KCNT1: variants seen among roughly 807,000 people sequenced by gnomAD.
KCNT1 encodes the protein potassium channel subfamily T member 1.
In KCNT1, 78 loss-of-function variants were observed where a neutral mutation model predicts 147.8. The observed-to-expected ratio is 0.53, with a 90% CI of 0.44 to 0.64. KCNT1 has a LOEUF of 0.64. KCNT1 is among the 30% of genes least tolerant of loss of function. KCNT1 has a pLI of 0.00. For missense variants in KCNT1, 1,419 were observed against 1,750.3 expected (o/e 0.81, Z 3.38); for synonymous variants, 867 against 748.8 (o/e 1.16, Z -2.58).
rs1035486813 is a variant in KCNT1 at position 135,777,602 on chromosome 9, G to T, written c.2522+92G>T. On this transcript the variant is annotated intron_variant, in intron 21 of 30. Transcript: ENST00000371757. Reference sequence around the variant, plus strand: ...CCAACTGGGCCCACCCTTCGCCTTTGCAGAGGGCACGGGAACATGGGGCCT... The same window carrying T: ...CCAACTGGGCCCACCCTTCGCCTTTTCAGAGGGCACGGGAACATGGGGCCT... 4.6e-5 allele frequency: 57 copies of T among 1,247,612 alleles called. No homozygotes were observed. The African/African-American group carries it at 8.3e-4, about 18-fold the overall frequency. The allele number at this position is 1,247,612 out of a possible 1,614,324, so 77.3% of individuals were successfully genotyped here. A position where few individuals can be genotyped will look rare whatever the true frequency, so the allele number is the denominator to read the frequency against.
intron 2 of KCNT1, among the ~76,000 whole-genome samples, chr9:135,715,599 T>TC (rs1330787752): frequency 3.6e-5 from 2 of 55,162 alleles, no homozygotes; most frequent in African/African-American, 1.3e-4. Context: ...ATCCGCACTT[T>TC]CCCCCAACAA....
chr9:135,750,595 G>A (rs1055483910), intron 3 of KCNT1: 64 of 281,376 alleles, frequency 2.3e-4, no homozygotes, highest in Admixed American at 1.2e-3. Context: ...TGCTCCCCCC[G>A]GGATTGCAGG....
intron 13 of KCNT1, among the ~76,000 whole-genome samples, chr9:135,768,247 GGGGGGGGGGGCAC>G (rs1832438361): frequency 2.5e-5 from 1 of 39,448 alleles, no homozygotes; most frequent in Non-Finnish European, 7.9e-5. Context: ...CTGCGGGGGG[GGGGGGGGGGGCAC>G]TGGGATACCG....
At chr9:135,731,960 G>GTATATATATATATATATATATA (rs776201547) in intron 2 of KCNT1, among the ~76,000 whole-genome samples, 12 of 41,420 alleles carry the variant, frequency 2.9e-4, no homozygotes, top group South Asian at 9.4e-4. Context: ...AAATATGCGT[G>GTATATATATATATATATATATA]TATATATATA....
intron 6 of KCNT1, 83 bp from the exon 7 acceptor site, chr9:135,756,790 T>C: frequency 9.0e-7 from 1 of 1,109,684 alleles, no homozygotes; most frequent in Non-Finnish European, 1.4e-6. Flanking sequence ...CTTTGTGTGG[T>C]ACCTGCCCGC....
chr9:135,731,991 T>TATATAGAGAG (rs1276318460), intron 2 of KCNT1, among the ~76,000 whole-genome samples: 24 of 21,688 alleles, frequency 1.1e-3, no homozygotes, highest in African/African-American at 1.9e-3. Flanking sequence ...TATATATATA[T>TATATAGAGAG]AGAGAGAGAG....
chr9:135,712,651 T>A (rs544253653), intron 1 of KCNT1, among the ~76,000 whole-genome samples: 1 of 152,324 alleles, frequency 6.6e-6, no homozygotes, highest in South Asian at 2.1e-4. Context: ...GTTTTGCTGC[T>A]GTCCTCCTGC....
In KCNT1 at chr9:135,786,312, A is replaced by G; in HGVS notation, c.3293A>G (p.Asp1098Gly). Residue 1098 changes from aspartate (D) to glycine (G), a missense_variant, in exon 29 of 31, where the codon GAC becomes GGC. Transcript: ENST00000371757. ...SSQGRHTGGG[D>G]PAEHPLLRRK... The stretch of plus-strand genomic sequence containing the variant: ...CAGGGCCGCCACACGGGCGGCGGTG[A>G]CCCCGCAGAGCACCCACTGCTACGG... The G allele has an allele frequency of 1.2e-6, 2 of 1,600,016 alleles. No individual in the cohort carries two copies. The highest frequency in any genetic ancestry group is 1.7e-6 in the Non-Finnish European group (2 of 1,175,070).
chr9:135,789,883 T>C (rs1403590695), intron 29 of KCNT1: 1 of 152,348 alleles, frequency 6.6e-6, no homozygotes, highest in Non-Finnish European at 1.5e-5. Context: ...CCAAGCACCG[T>C]GGACACGCGA....
In KCNT1 at chr9:135,786,637, T is replaced by C. The variant is rs71508816; in HGVS notation, c.3502+116T>C. On this transcript the variant is annotated intron_variant, in intron 29 of 30. Transcript: ENST00000371757. The stretch of plus-strand genomic sequence containing the variant: ...GCCCGGGCCGTCCTCCTGTCTGTCA[T>C]CTGTCTGTCTGTCAGCCTTTCTGGC... 8.1e-3 allele frequency: 7,998 copies of C among 981,474 alleles called. 38 individuals carry two copies. Among genetic ancestry groups the C allele is most frequent in the Non-Finnish European group, 0.01 (6,985 of 693,238 alleles). 60.8% of individuals were successfully genotyped at this position (981,474 alleles called of 1,614,324 possible).
intron 16 of KCNT1, 112 bp downstream of exon 16, chr9:135,770,167 C>T (rs938892326): frequency 3.8e-5 from 52 of 1,374,554 alleles, no homozygotes; most frequent in Middle Eastern, 2.4e-4. Flanking sequence ...GGGCACATGG[C>T]GGGCAAAAGT....
intron 13 of KCNT1, 124 bp from the exon 14 acceptor site, chr9:135,768,486 C>A: frequency 1.4e-6 from 1 of 689,758 alleles, no homozygotes; most frequent in South Asian, 1.8e-5. Context: ...CTCTCAGTCT[C>A]TTTCTGTGCA....
rs368477306 is a variant in KCNT1 at position 135,765,746 on chromosome 9, C to A, written c.1323C>A (p.Asp441Glu). 1.9e-6 allele frequency: 3 copies of A among 1,602,158 alleles called. No individual in the cohort carries two copies. Among genetic ancestry groups the A allele is most frequent in the African/African-American group, 1.3e-5 (1 of 74,872 alleles). ...AGGGCTCTGCACTCAAAGACCAGGA[C>A]CTCATGCGAGCCAAGTGAGTGCTGG... ...YLQGSALKDQDLMRAKMDNGE... is the reference protein window; with the variant it reads ...YLQGSALKDQELMRAKMDNGE... The change falls in exon 13 of 31, where the codon GAC (aspartate) becomes GAA (glutamate). Residue 441 changes from aspartate (D) to glutamate (E), a missense_variant. By Grantham distance (45) the Asp-to-Glu change is conservative (BLOSUM62 2). Coordinates refer to ENST00000371757, the MANE Select transcript of KCNT1 (RefSeq NM_020822.3).
At chr9:135,704,140 G>A (rs1020520618) in intron 1 of KCNT1, among the ~76,000 whole-genome samples, 3 of 152,218 alleles carry the variant, frequency 2.0e-5, no homozygotes, top group East Asian at 1.9e-4. Flanking sequence ...TCTGTGGGGC[G>A]GGTTTCCCCA....
chr9:135,756,830 G>A (rs772770609), intron 6 of KCNT1, 43 bp from the exon 7 acceptor site: 2 of 1,578,610 alleles, frequency 1.3e-6, no homozygotes, highest in South Asian at 2.2e-5. Context: ...CCCAGCCCCA[G>A]CCCCGGCCTG....
At chr9:135,704,333 C>A (rs1384749082) in intron 1 of KCNT1, among the ~76,000 whole-genome samples, 3 of 152,230 alleles carry the variant, frequency 2.0e-5, no homozygotes, top group Non-Finnish European at 2.9e-5. Flanking sequence ...CACCCCACTC[C>A]AGTGCCCCAG....
intron 1 of KCNT1, among the ~76,000 whole-genome samples, chr9:135,706,267 CTT>C (rs1213153467): frequency 6.6e-6 from 1 of 152,256 alleles, no homozygotes; most frequent in African/African-American, 2.4e-5. Flanking sequence ...GCCAGTTCGT[CTT>C]TGCCTTGTCA....
chr9:135,752,889 C>T lies in KCNT1; in HGVS notation c.435-1048C>T, dbSNP rs1044704091. On this transcript the variant is annotated intron_variant, in intron 4 of 30. Coordinates refer to ENST00000371757, the MANE Select transcript of KCNT1 (RefSeq NM_020822.3). This position sits in a 1 kb window ranked among gnomAD's most constrained non-coding sequence, Gnocchi z 5.1. ...ATGAGTGGATGGATGGAGAGATGAG[C>T]AGAAGGATGGAGGGATGAGTGGATG... Among the ~76,000 whole-genome samples, 5 of 130,856 alleles carry T rather than the reference C, an allele frequency of 3.8e-5. No homozygotes were observed. Among genetic ancestry groups the T allele is most frequent in the African/African-American group, 1.5e-4 (5 of 33,508 alleles). The allele number at this position is 130,856 out of a possible 152,430, so 85.8% of individuals were successfully genotyped here. A position where few individuals can be genotyped will look rare whatever the true frequency, so the allele number is the denominator to read the frequency against.
chr9:135,768,108 G>A (rs28430648), intron 13 of KCNT1, among the ~76,000 whole-genome samples: 5,952 of 150,726 alleles, frequency 0.039, 296 homozygotes, highest in African/African-American at 0.12. Flanking sequence ...GCACACGCTC[G>A]GGGGACAGGT....
Sources: allele counts gnomAD v4.1 joint callset (sites outside exome capture counted in the v4.1 genomes callset), GRCh38; gene constraint gnomAD v4.1.1; non-coding constraint Gnocchi (gnomAD v3.1); transcripts MANE v1.5; gene names NCBI Gene and HGNC (gene_info 2026-07-23, HGNC 2026-07-21).